Variants in ZDHHC17 observed in about 807,000 individuals in gnomAD.
The protein encoded by ZDHHC17 is zDHHC palmitoyltransferase 17, also known as palmitoyltransferase ZDHHC17.
A neutral mutation model predicts 90.3 loss-of-function variants in ZDHHC17; 40 were observed. That is an observed-to-expected ratio of 0.44 (90% CI 0.34 to 0.58). ZDHHC17 has a LOEUF of 0.58. Among genes scored for constraint, ZDHHC17 ranks in the 20% least tolerant of loss-of-function variants. ZDHHC17 has a pLI of 0.01. For missense variants in ZDHHC17, 614 were observed against 780.8 expected, an observed-to-expected ratio of 0.79 and a Z score of 2.55; for synonymous variants, 235 against 252.4, an observed-to-expected ratio of 0.93 and a Z score of 0.65.
At chr12:76,834,531 C>G (rs1467451724) in intron 10 of ZDHHC17, among the ~76,000 whole-genome samples, 1 of 152,152 alleles carries the variant, frequency 6.6e-6, no homozygotes, top group Non-Finnish European at 1.5e-5. Context: ...TTAGACTTCT[C>G]TGTTTTCTGT....
chr12:76,792,212 G>A (rs1952766812), intron 1 of ZDHHC17, among the ~76,000 whole-genome samples: 1 of 152,106 alleles, frequency 6.6e-6, no homozygotes, highest in Non-Finnish European at 1.5e-5. Context: ...CTCTGGTGTA[G>A]TCAAAAGGGA....
At chr12:76,808,972 C>A in intron 3 of ZDHHC17, 71 bp from the exon 4 acceptor site, 1 of 977,470 alleles carries the variant, frequency 1.0e-6, no homozygotes, top group Non-Finnish European at 1.4e-6. Flanking sequence ...CATGTATTTA[C>A]ATATTTTTCA....
chr12:76,820,777 C>T (rs1217514115), intron 7 of ZDHHC17, among the ~76,000 whole-genome samples: 2 of 152,094 alleles, frequency 1.3e-5, no homozygotes, highest in African/African-American at 2.4e-5. Context: ...GTTTATCTGA[C>T]CAAAACCTTT....
chr12:76,810,015 G>A (rs994370587), intron 5 of ZDHHC17, among the ~76,000 whole-genome samples, 158 bp downstream of exon 5: 1 of 152,144 alleles, frequency 6.6e-6, no homozygotes, highest in Non-Finnish European at 1.5e-5. Flanking sequence ...GATATTTAAT[G>A]TACCTAACAT....
intron 2 of ZDHHC17, among the ~76,000 whole-genome samples, chr12:76,800,646 A>T (rs996803048): frequency 7.9e-5 from 12 of 151,986 alleles, no homozygotes; most frequent in South Asian, 2.1e-4. Flanking sequence ...TTATTGTCTG[A>T]TATTAGTGTA....
rs754307156 is a variant in ZDHHC17, at chr12:76,809,054, C to T, written c.332C>T (p.Ser111Leu). 21 of 1,527,138 alleles carry T rather than the reference C, an allele frequency of 1.4e-5. No individual in the cohort carries two copies. Among genetic ancestry groups the T allele is most frequent in the East Asian group, 2.5e-5 (1 of 40,816 alleles). 94.6% of individuals were successfully genotyped at this position (1,527,138 alleles called of 1,614,324 possible). ...NRIDLVKYYI[S>L]KGAIVDQLGG... ...ATTTTGTCTTATAGATACTATATTT[C>T]GAAAGGTGCTATTGTGGATCAACTT... Residue 111 changes from serine to leucine, a missense_variant, in exon 4 of 17, where the codon TCG becomes TTG. Coordinates refer to ENST00000426126, the MANE Select transcript of ZDHHC17 (RefSeq NM_015336.4).
intron 8 of ZDHHC17, 115 bp from the exon 9 acceptor site, chr12:76,826,793 A>C: frequency 9.2e-7 from 1 of 1,090,600 alleles, no homozygotes; most frequent in Non-Finnish European, 1.3e-6. Context: ...ATAGCATGCA[A>C]ATTTGAGTGA....
At chr12:76,815,833 G>GTTTTTTTT (rs77238734) in intron 6 of ZDHHC17, 24 bp from the exon 7 acceptor site, 4 of 1,141,822 alleles carry the variant, frequency 3.5e-6, no homozygotes, top group Admixed American at 3.7e-5. Flanking sequence ...GTTGTTGTTT[G>GTTTTTTTT]TTTTTTTTTT....
chr12:76,797,134 C>T (rs577911254), intron 1 of ZDHHC17, among the ~76,000 whole-genome samples: 1 of 151,964 alleles, frequency 6.6e-6, no homozygotes, highest in Non-Finnish European at 1.5e-5. Flanking sequence ...CATGGTGGCA[C>T]GTGCCTATAG....
At chr12:76,818,068 A>G (rs1463574609) in intron 7 of ZDHHC17, among the ~76,000 whole-genome samples, 1 of 152,060 alleles carries the variant, frequency 6.6e-6, no homozygotes, top group Non-Finnish European at 1.5e-5. Flanking sequence ...GAGGTTGGCT[A>G]TTGACAAAAA....
At chr12:76,768,794 T>C (rs1257886993) in intron 1 of ZDHHC17, among the ~76,000 whole-genome samples, 1 of 152,224 alleles carries the variant, frequency 6.6e-6, no homozygotes. Flanking sequence ...ACAGGGGCTA[T>C]TTCAGAACCA....
At chr12:76,804,425 G>T (rs1018232836) in intron 2 of ZDHHC17, among the ~76,000 whole-genome samples, 4 of 152,154 alleles carry the variant, frequency 2.6e-5, no homozygotes, top group African/African-American at 9.7e-5. Context: ...GAAACTAAAA[G>T]AAGTAAATAG....
chr12:76,822,426 G>A lies in ZDHHC17; in HGVS notation c.792G>A (p.Leu264=). The change falls in exon 8 of 17, where the codon TTG becomes TTA. Residue 264 remains leucine, a synonymous_variant. Coordinates refer to ENST00000426126, the MANE Select transcript of ZDHHC17 (RefSeq NM_015336.4). ...ATCAGGGCGAATCAGCGCTTGATTT[G>A]GCAAAACAGAGAAAAAATGTGTGGA... ...QNIKGESALD[L]AKQRKNVWMI... is the part of the protein sequence containing the mutation. 1 of 1,613,756 alleles carries A rather than the reference G, an allele frequency of 6.2e-7. No homozygotes were observed. Among genetic ancestry groups the A allele is most frequent in the Non-Finnish European group, 8.5e-7 (1 of 1,179,842 alleles).
chr12:76,804,846 C>G (rs911743182), intron 2 of ZDHHC17, among the ~76,000 whole-genome samples: 1 of 152,174 alleles, frequency 6.6e-6, no homozygotes, highest in African/African-American at 2.4e-5. Context: ...TTCGCCTTTC[C>G]TCGTGCCTCT....
chr12:76,767,695 G>A (rs1021230884), intron 1 of ZDHHC17, among the ~76,000 whole-genome samples: 6 of 152,252 alleles, frequency 3.9e-5, no homozygotes, highest in East Asian at 1.9e-4. Flanking sequence ...CGAGGCGGGC[G>A]GATCACCTGA....
At chr12:76,778,035 G>A (rs1482779283) in intron 1 of ZDHHC17, among the ~76,000 whole-genome samples, 2 of 152,116 alleles carry the variant, frequency 1.3e-5, no homozygotes, top group African/African-American at 4.8e-5. Context: ...TTCCTGTGGT[G>A]GTTGTGGATT....
intron 10 of ZDHHC17, among the ~76,000 whole-genome samples, chr12:76,831,986 T>C (rs951358692): frequency 1.3e-5 from 2 of 152,198 alleles, no homozygotes; most frequent in African/African-American, 4.8e-5. Context: ...ATGATACTCA[T>C]GGAATATGTG....
chr12:76,825,087 G>A (rs573276574), intron 8 of ZDHHC17, among the ~76,000 whole-genome samples: 1 of 152,124 alleles, frequency 6.6e-6, no homozygotes, highest in Admixed American at 6.5e-5. Flanking sequence ...CTATAAAAGG[G>A]CAATATGAGG....
In ZDHHC17 at chr12:76,797,464, G is replaced by A; in HGVS notation, c.124G>A (p.Gly42Arg). 6.2e-7 allele frequency: 1 copy of A among 1,609,668 alleles called. No individual in the cohort carries two copies. Among genetic ancestry groups the A allele is most frequent in the Non-Finnish European group, 8.5e-7 (1 of 1,177,768 alleles). Reference protein sequence around the residue: ...EIKPQSHYNHGYGEPLGRKTH... With the variant: ...EIKPQSHYNHRYGEPLGRKTH... ...CAAACCCCAAAGCCATTATAACCAT[G>A]GATATGGTGAACCTCTTGGACGGAA... The change falls in exon 2 of 17, where the codon GGA (glycine) becomes AGA (arginine). Residue 42 changes from glycine to arginine, a missense_variant. Transcript: ENST00000426126.
Sources: gnomAD v4.1 joint callset for allele counts (sites outside exome capture counted in the v4.1 genomes callset) on GRCh38, gnomAD v4.1.1 for gene constraint, MANE v1.5 for transcripts, NCBI Gene and HGNC (gene_info 2026-07-23, HGNC 2026-07-21) for gene names.